The following DPP10 variants were observed in gnomAD, a reference collection of about 807,000 sequenced individuals.
The protein encoded by DPP10 is inactive dipeptidyl peptidase 10.
DPP10 carries 33 observed loss-of-function variants against 120.9 expected under a neutral mutation model. That is an observed-to-expected ratio of 0.27 (90% CI 0.21 to 0.37). The LOEUF (loss-of-function observed/expected upper bound fraction) is 0.37. Among genes scored for constraint, DPP10 ranks in the 10% least tolerant of loss-of-function variants. The probability of loss-of-function intolerance (pLI) is 1.00; values close to 1 mark genes in which losing one functional copy is unlikely to be tolerated. For missense variants in DPP10, 816 were observed against 942.8 expected, an observed-to-expected ratio of 0.87 and a Z score of 1.76; for synonymous variants, 337 against 326.1, an observed-to-expected ratio of 1.03 and a Z score of -0.36.
intron 1 of DPP10, among the ~76,000 whole-genome samples, chr2:115,294,043 C>T (rs1307544661): frequency 6.6e-6 from 1 of 152,064 alleles, no homozygotes; most frequent in Non-Finnish European, 1.5e-5. Flanking sequence ...CCAGTCATTC[C>T]TACCTGATTC....
intron 5 of DPP10, among the ~76,000 whole-genome samples, chr2:115,665,972 C>T (rs1166257654): frequency 1.3e-5 from 2 of 151,886 alleles, no homozygotes; most frequent in South Asian, 2.1e-4. Flanking sequence ...AGGAGTTTGG[C>T]ATATAGATTA....
intron 3 of DPP10, among the ~76,000 whole-genome samples, chr2:115,486,432 T>C (rs2075783201): frequency 6.6e-6 from 1 of 152,178 alleles, no homozygotes; most frequent in Non-Finnish European, 1.5e-5. Flanking sequence ...TAAGCTCTAT[T>C]TTCTGCATGT....
chr2:115,080,832 C>A (rs1482628236), intron 1 of DPP10, among the ~76,000 whole-genome samples: 1 of 152,182 alleles, frequency 6.6e-6, no homozygotes, highest in Non-Finnish European at 1.5e-5. Flanking sequence ...GTCACAAAGA[C>A]CCCTCTCAAC....
intron 3 of DPP10, among the ~76,000 whole-genome samples, chr2:115,447,501 C>T (rs2072716106): frequency 6.6e-6 from 1 of 152,116 alleles, no homozygotes; most frequent in African/African-American, 2.4e-5. Context: ...TGTGTTCCTA[C>T]CCAAATCTCA....
chr2:115,787,255 A>G (rs904811453), intron 17 of DPP10, among the ~76,000 whole-genome samples: 1 of 152,200 alleles, frequency 6.6e-6, no homozygotes, highest in Non-Finnish European at 1.5e-5. Context: ...AGTAGAAAAT[A>G]TTACTCATAA....
rs2075221215 is a variant in DPP10, at chr2:115,478,333, T to C, written c.272-21177T>C. On this transcript the variant is annotated intron_variant, in intron 3 of 25. Transcript: ENST00000410059. The stretch of plus-strand genomic sequence containing the variant: ...AAGACAGTACTTTCAACAAATGTCA[T>C]TGGGAAAATTGTTTATCTACATGCA... Among the ~76,000 whole-genome samples the C allele has an allele frequency of 3.9e-5, 6 of 152,280 alleles. No individual in the cohort carries two copies. The South Asian group carries it at 1.0e-3, about 26-fold the overall frequency.
intron 1 of DPP10, among the ~76,000 whole-genome samples, chr2:115,275,332 T>TAA (rs1293394624): frequency 1.3e-5 from 2 of 152,212 alleles, no homozygotes; most frequent in Non-Finnish European, 2.9e-5. Context: ...TCTATATATA[T>TAA]AACACATGCA....
chr2:115,032,917 G>T (rs1030584443), intron 1 of DPP10, among the ~76,000 whole-genome samples: 2 of 150,946 alleles, frequency 1.3e-5, no homozygotes, highest in Admixed American at 6.6e-5. Flanking sequence ...AGAAGAAGAA[G>T]AATATAGGTT....
chr2:114,877,872 T>C (rs893054597), intron 1 of DPP10, among the ~76,000 whole-genome samples: 7 of 151,994 alleles, frequency 4.6e-5, no homozygotes, highest in African/African-American at 7.2e-5. Flanking sequence ...ACCCACTAGA[T>C]GCTAGCAGCA....
intron 1 of DPP10, among the ~76,000 whole-genome samples, chr2:114,604,439 C>T (rs1229767028): frequency 6.6e-6 from 1 of 152,052 alleles, no homozygotes; most frequent in Non-Finnish European, 1.5e-5. Context: ...ACAAGCATAG[C>T]AGAGCAGGAA....
chr2:115,738,623 T>C, intron 8 of DPP10, among the ~76,000 whole-genome samples: 1 of 152,174 alleles, frequency 6.6e-6, no homozygotes, highest in East Asian at 1.9e-4. Context: ...TTTTATTCCA[T>C]GTCACCACCA....
At chr2:115,431,384 A>G (rs748750508) in intron 3 of DPP10, among the ~76,000 whole-genome samples, 1 of 152,152 alleles carries the variant, frequency 6.6e-6, no homozygotes, top group African/African-American at 2.4e-5. Context: ...TAAGATAACC[A>G]TATCATGCAG....
chr2:115,481,265 G>A (rs1184795727), intron 3 of DPP10, among the ~76,000 whole-genome samples: 1 of 151,982 alleles, frequency 6.6e-6, no homozygotes, highest in African/African-American at 2.4e-5. Context: ...CAGTATTAGG[G>A]AAGATCTTCT....
At chr2:114,504,341 G>A (rs1225689876) in intron 1 of DPP10, among the ~76,000 whole-genome samples, 8 of 152,006 alleles carry the variant, frequency 5.3e-5, no homozygotes, top group Non-Finnish European at 1.0e-4. Context: ...GTTTTCTATT[G>A]CTCTTGTGTA....
intron 1 of DPP10, among the ~76,000 whole-genome samples, chr2:114,926,555 A>G (rs77782765): frequency 9.9e-4 from 151 of 152,264 alleles, no homozygotes; most frequent in African/African-American, 3.6e-3. Context: ...TCCGTAGTGG[A>G]GACAAGCCTC....
chr2:115,689,395 G>A (rs2091184048), intron 5 of DPP10, among the ~76,000 whole-genome samples: 1 of 152,086 alleles, frequency 6.6e-6, no homozygotes, highest in African/African-American at 2.4e-5. Flanking sequence ...GAGGCAGTTT[G>A]AACTTTATTT....
At chr2:114,498,618 G>T (rs1682884396) in intron 1 of DPP10, among the ~76,000 whole-genome samples, 1 of 152,126 alleles carries the variant, frequency 6.6e-6, no homozygotes, top group Non-Finnish European at 1.5e-5. Context: ...TCCTTTGGTG[G>T]AAAGCAACTG....
chr2:115,277,873 T>C (rs549843774), intron 1 of DPP10, among the ~76,000 whole-genome samples: 48 of 152,342 alleles, frequency 3.2e-4, no homozygotes, highest in African/African-American at 1.1e-3. Flanking sequence ...TTAAATTTGT[T>C]ATCTAACTTC....
intron 12 of DPP10, among the ~76,000 whole-genome samples, chr2:115,763,474 T>C (rs777369135): frequency 6.6e-6 from 1 of 152,178 alleles, no homozygotes; most frequent in Non-Finnish European, 1.5e-5. Context: ...CTCAATGACA[T>C]AATTATCCAT....
Sources: gnomAD v4.1 joint callset for allele counts (sites outside exome capture counted in the v4.1 genomes callset) on GRCh38, gnomAD v4.1.1 for gene constraint, MANE v1.5 for transcripts, NCBI Gene and HGNC (gene_info 2026-07-23, HGNC 2026-07-21) for gene names.